The following MGAT4C variants were observed in gnomAD, a reference collection of about 807,000 sequenced individuals.
MGAT4C encodes alpha-1,3-mannosyl-glycoprotein 4-beta-N-acetylglucosaminyltransferase C.
MGAT4C carries 19 observed loss-of-function variants against 40.1 expected under a neutral mutation model. The observed-to-expected ratio is 0.47, with a 90% CI of 0.33 to 0.70. The LOEUF (loss-of-function observed/expected upper bound fraction) is 0.70, where lower values mean the gene tolerates loss of function less well. Among genes scored for constraint, MGAT4C ranks in the 30% least tolerant of loss-of-function variants. The probability of loss-of-function intolerance (pLI) is 0.02; values close to 1 mark genes in which losing one functional copy is unlikely to be tolerated. For missense variants in MGAT4C, 491 were observed against 563.2 expected (o/e 0.87, Z 1.30); for synonymous variants, 181 against 187.1 (o/e 0.97, Z 0.27).
chr12:86,801,689 T>C (rs1050511855), intron 1 of MGAT4C, among the ~76,000 whole-genome samples: 1 of 151,828 alleles, frequency 6.6e-6, no homozygotes, highest in Non-Finnish European at 1.5e-5. Context: ...CCTCTCAATT[T>C]CCAGGTATTA....
At chr12:86,048,265 C>G (rs1012513378) in intron 2 of MGAT4C, among the ~76,000 whole-genome samples, 2 of 151,954 alleles carry the variant, frequency 1.3e-5, no homozygotes, top group Non-Finnish European at 1.5e-5. Flanking sequence ...ACACTGAGTA[C>G]ACATGGACCT....
chr12:86,527,799 T>C (rs1958911199), intron 2 of MGAT4C, among the ~76,000 whole-genome samples: 1 of 152,198 alleles, frequency 6.6e-6, no homozygotes, highest in Admixed American at 6.6e-5. Flanking sequence ...TTCAAATTGT[T>C]TGCTATTTGT....
chr12:86,022,123 T>C (rs761870833), intron 2 of MGAT4C, among the ~76,000 whole-genome samples: 1 of 152,192 alleles, frequency 6.6e-6, no homozygotes, highest in African/African-American at 2.4e-5. Context: ...ATTTATTGAG[T>C]TTATACTAGG....
rs147424339 is a variant in MGAT4C at position 85,989,797 on chromosome 12, C to T, written c.-6-245G>A. Among the ~76,000 whole-genome samples, 437 of 151,888 alleles carry T rather than the reference C, an allele frequency of 2.9e-3. 2 individuals are homozygous for T. The highest frequency in any genetic ancestry group is 0.01 in the African/African-American group (415 of 41,430). On this transcript the variant is annotated intron_variant, in intron 2 of 4. Transcript: ENST00000611864. ...AAAAAGCAAGTCTCATAGTTACTGA[C>T]GAAAAAAGATGAACTTTGGTCATAA... is the stretch of plus-strand genomic sequence containing the variant.
chr12:86,713,723 C>T (rs1407864157), intron 2 of MGAT4C, among the ~76,000 whole-genome samples: 3 of 151,886 alleles, frequency 2.0e-5, no homozygotes, highest in African/African-American at 7.3e-5. Context: ...GAAGTCAGCA[C>T]CATTGATATC....
At chr12:86,031,388 T>C (rs955720608) in intron 2 of MGAT4C, among the ~76,000 whole-genome samples, 1 of 151,866 alleles carries the variant, frequency 6.6e-6, no homozygotes, top group East Asian at 1.9e-4. Context: ...TGCTGACCTT[T>C]TATAGTGGTA....
intron 1 of MGAT4C, among the ~76,000 whole-genome samples, chr12:86,743,324 T>C (rs1057177004): frequency 2.6e-5 from 4 of 151,610 alleles, no homozygotes; most frequent in African/African-American, 7.3e-5. Context: ...GAAAATATAT[T>C]CTCAATTATA....
chr12:86,325,149 T>G (rs1379827253), intron 4 of MGAT4C, among the ~76,000 whole-genome samples: 1 of 152,128 alleles, frequency 6.6e-6, no homozygotes, highest in Non-Finnish European at 1.5e-5. Context: ...TTGCAGTAAG[T>G]ATACATTCAA....
At chr12:86,630,954 A>G (rs1379505490) in intron 2 of MGAT4C, among the ~76,000 whole-genome samples, 1 of 152,186 alleles carries the variant, frequency 6.6e-6, no homozygotes, top group Non-Finnish European at 1.5e-5. Context: ...GGAAAAGAGG[A>G]AGTCAAATTG....
chr12:86,620,454 A>C (rs938733664), intron 2 of MGAT4C, among the ~76,000 whole-genome samples: 1 of 152,186 alleles, frequency 6.6e-6, no homozygotes, highest in Admixed American at 6.5e-5. Context: ...TATAAGAAAT[A>C]ATTTAGAAAC....
intron 4 of MGAT4C, among the ~76,000 whole-genome samples, chr12:86,311,489 A>G (rs887468196): frequency 1.1e-4 from 16 of 152,082 alleles, no homozygotes; most frequent in African/African-American, 3.6e-4. Context: ...AATTTTTTTA[A>G]TAAGAGCCAC....
chr12:85,980,381 A>G lies in MGAT4C; in HGVS notation c.345T>C (p.Tyr115=), dbSNP rs969275266. The change falls in exon 5 of 5, where the codon TAT becomes TAC. Residue 115 remains tyrosine, a synonymous_variant. Coordinates refer to ENST00000611864, the MANE Select transcript of MGAT4C (RefSeq NM_001351288.2). ...AAATTGACTTAATTGTCTCAAGTAA[A>G]TAGTTTCCTTTTTTTCGCTTTACTG... is the stretch of plus-strand genomic sequence containing the variant. ...LSSVKRKKGN[Y]LLETIKSIFE... 131 of 1,609,402 alleles carry G rather than the reference A, an allele frequency of 8.1e-5. No individual in the cohort carries two copies. Among genetic ancestry groups the G allele is most frequent in the Non-Finnish European group, 1.1e-4 (125 of 1,178,284 alleles).
At chr12:86,208,603 C>T (rs1036027288) in intron 1 of MGAT4C, among the ~76,000 whole-genome samples, 15 of 152,290 alleles carry the variant, frequency 9.8e-5, no homozygotes, top group Middle Eastern at 3.4e-3. Flanking sequence ...AAAAACTCAG[C>T]AGGGCTGGGT....
chr12:86,226,197 G>T (rs1343613602), intron 1 of MGAT4C, among the ~76,000 whole-genome samples: 2 of 151,960 alleles, frequency 1.3e-5, no homozygotes, highest in African/African-American at 2.4e-5. Flanking sequence ...TAGGACAGTG[G>T]TGATTTTGGG....
At position 86,252,803 on chromosome 12, in the gene MGAT4C, T is replaced by G. The variant is rs140158967; in HGVS notation, c.-57+3436A>C. On this transcript the variant is annotated intron_variant, in intron 1 of 4. Coordinates refer to ENST00000611864, the MANE Select transcript of MGAT4C (RefSeq NM_001351288.2). ...AACTCGGCATACTATTACCAGCAAATAATTGATTGTAAAATAGACAATAAA... is the reference window on the plus strand; with the variant it reads ...AACTCGGCATACTATTACCAGCAAAGAATTGATTGTAAAATAGACAATAAA... Among the ~76,000 whole-genome samples the G allele has an allele frequency of 5.7e-3, 868 of 152,052 alleles. 4 individuals carry two copies. The highest frequency in any genetic ancestry group is 0.01 in the Middle Eastern group (3 of 294).
Position 86,614,200 on chromosome 12 carries a change from G to A in MGAT4C, c.-229+113009C>T, listed in dbSNP as rs73394934. Among the ~76,000 whole-genome samples the A allele has an allele frequency of 2.8e-3, 427 of 152,254 alleles. 2 individuals carry two copies. The highest frequency in any genetic ancestry group is 1.0e-2 in the African/African-American group (415 of 41,554). ...AATAACTTCTGGTTCTATCCAGTGTGTTTTTATGATAGGCTGCTCTGTAAC... is the reference window on the plus strand; with the variant it reads ...AATAACTTCTGGTTCTATCCAGTGTATTTTTATGATAGGCTGCTCTGTAAC... On this transcript the variant is annotated intron_variant, in intron 2 of 7. Transcript: ENST00000548651.
chr12:86,278,482 T>A (rs921155271), intron 4 of MGAT4C, among the ~76,000 whole-genome samples: 1 of 152,062 alleles, frequency 6.6e-6, no homozygotes, highest in Non-Finnish European at 1.5e-5. Flanking sequence ...CCCATCTTTG[T>A]TTATTTCTTT....
intron 2 of MGAT4C, among the ~76,000 whole-genome samples, chr12:86,712,472 G>T (rs903931660): frequency 6.6e-6 from 1 of 152,034 alleles, no homozygotes; most frequent in African/African-American, 2.4e-5. Flanking sequence ...GAAATATGCT[G>T]GGCTGTGTTT....
chr12:86,435,451 A>G (rs1324436391), intron 2 of MGAT4C, among the ~76,000 whole-genome samples: 1 of 151,890 alleles, frequency 6.6e-6, no homozygotes, highest in African/African-American at 2.4e-5. Flanking sequence ...ATATCTTTAA[A>G]GAAAGCATGC....
Sources: allele counts gnomAD v4.1 joint callset (sites outside exome capture counted in the v4.1 genomes callset), GRCh38; gene constraint gnomAD v4.1.1; transcripts MANE v1.5; gene names NCBI Gene and HGNC (gene_info 2026-07-23, HGNC 2026-07-21).